ZNF543: variants seen among roughly 807,000 people sequenced by gnomAD.
The protein encoded by ZNF543 is zinc finger protein 543.
A neutral mutation model predicts 13.4 loss-of-function variants in ZNF543; 10 were observed. The observed-to-expected ratio is 0.75, with a 90% CI of 0.46 to 1.26. The LOEUF is 1.26. ZNF543 is among the 50% of genes most tolerant of loss of function. The pLI is 0.00. For missense variants in ZNF543, 768 were observed against 741.2 expected, an observed-to-expected ratio of 1.04 and a Z score of -0.42; for synonymous variants, 272 against 264.7, an observed-to-expected ratio of 1.03 and a Z score of -0.27.
chr19:57,327,669 C>G (rs747356349), intron 3 of ZNF543, 35 bp from the exon 4 acceptor site: 112 of 1,560,318 alleles, frequency 7.2e-5, no homozygotes, highest in Non-Finnish European at 9.3e-5. Flanking sequence ...AATGCCATCT[C>G]TAATAAGCCT....
rs1168587157 is a variant in ZNF543, at chr19:57,323,803, C to T, written c.140C>T (p.Ser47Phe). 1.2e-6 allele frequency: 2 copies of T among 1,612,384 alleles called. No individual in the cohort carries two copies. Among genetic ancestry groups the T allele is most frequent in the East Asian group, 2.2e-5 (1 of 44,758 alleles). Residue 47 changes from serine (S) to phenylalanine (F), a missense_variant, in exon 2 of 4, where the codon TCT becomes TTT. By Grantham distance (155) the Ser-to-Phe change is radical (BLOSUM62 -2). Transcript: ENST00000321545. ...VMLETCGLLM[S>F]LGCPLFKPEL... ...CTGGAGACCTGCGGACTTCTCATGT[C>T]TCTGGGTAAGGCCCCTTCTGGTCCT...
chr19:57,320,927 G>T, intron 1 of ZNF543, 56 bp downstream of exon 1: 1 of 1,611,202 alleles, frequency 6.2e-7, no homozygotes, highest in South Asian at 1.1e-5. Context: ...GAGGCCTCGT[G>T]GGCAGGCAGA....
intron 1 of ZNF543, among the ~76,000 whole-genome samples, chr19:57,322,747 G>A (rs1285829139): frequency 2.0e-5 from 3 of 152,086 alleles, no homozygotes; most frequent in Non-Finnish European, 4.4e-5. Context: ...AGGAGCTGTG[G>A]CCCTTTGCCC....
chr19:57,326,344 T>C (rs2088120546), intron 2 of ZNF543, among the ~76,000 whole-genome samples: 2 of 152,098 alleles, frequency 1.3e-5, no homozygotes, highest in Non-Finnish European at 2.9e-5. Flanking sequence ...TTTTGTATTT[T>C]TAGTAGAGAT....
intron 1 of ZNF543, among the ~76,000 whole-genome samples, chr19:57,321,845 C>T (rs1480628684): frequency 6.6e-6 from 1 of 152,080 alleles, no homozygotes; most frequent in Non-Finnish European, 1.5e-5. Context: ...AGCAGGTGGT[C>T]TTGGACATGA....
chr19:57,326,595 C>T (rs750326005), intron 2 of ZNF543, 38 bp from the exon 3 acceptor site: 4 of 1,537,656 alleles, frequency 2.6e-6, no homozygotes, highest in Admixed American at 1.7e-5. Context: ...TTTCTTCTAA[C>T]CTAACTCCCT....
rs2088147057 is a variant in ZNF543, at chr19:57,329,193, T to G, written c.1731T>G (p.Thr577=). 6.2e-7 allele frequency: 1 copy of G among 1,613,852 alleles called. No individual in the cohort carries two copies. The highest frequency in any genetic ancestry group is 8.5e-7 in the Non-Finnish European group (1 of 1,179,928). Residue 577 remains threonine, a synonymous_variant, in exon 4 of 4, where the codon ACT becomes ACG. Coordinates refer to ENST00000321545, the MANE Select transcript of ZNF543 (RefSeq NM_213598.4). Reference sequence around the variant, plus strand: ...GAAGACCTTTTATGACTGCACAGACTTCAGTCAACATCCAGGAACTTTTAT... The same window carrying G: ...GAAGACCTTTTATGACTGCACAGACGTCAGTCAACATCCAGGAACTTTTAT... ...DVGRPFMTAQ[T]SVNIQELLLG...
chr19:57,320,650 C>T lies in ZNF543; in HGVS notation c.-204C>T, dbSNP rs2088084021. ...CTTCCCTAACGGGGTGTTCCACCGG[C>T]GCCTGCCGAGGCCTAGGCCTCCGCA... On this transcript the variant is annotated 5_prime_UTR_variant, in exon 1 of 4. Transcript: ENST00000321545. 3.5e-6 allele frequency: 2 copies of T among 568,922 alleles called. No individual in the cohort carries two copies. The highest frequency in any genetic ancestry group is 6.1e-6 in the Non-Finnish European group (2 of 328,664). The allele number at this position is 568,922 out of a possible 1,614,324, so 35.2% of individuals were successfully genotyped here.
chr19:57,326,751 G>A (rs2088123302), intron 3 of ZNF543, 23 bp downstream of exon 3: 1 of 1,598,638 alleles, frequency 6.3e-7, no homozygotes, highest in African/African-American at 1.3e-5. Flanking sequence ...AGCTGGGAAG[G>A]TGGGGGTCAT....
chr19:57,328,175 A>G lies in ZNF543; in HGVS notation c.713A>G (p.Lys238Arg). 3.1e-6 allele frequency: 5 copies of G among 1,613,238 alleles called. No individual in the cohort carries two copies. Among genetic ancestry groups the G allele is most frequent in the Non-Finnish European group, 4.2e-6 (5 of 1,179,278 alleles). Residue 238 changes from lysine (K) to arginine (R), a missense_variant, in exon 4 of 4, where the codon AAG (lysine) becomes AGG (arginine). Lys to Arg is a conservative substitution (Grantham distance 26). Around this residue, in one of 3 missense-constraint regions of ZNF543, gnomAD observed 677 missense variants for 631.4 expected, o/e 1.07. Transcript: ENST00000321545. Reference protein sequence around the residue: ...ECTECGKTFSKSTHLLQHLII... With the variant: ...ECTECGKTFSRSTHLLQHLII... ...ACAGAGTGTGGGAAAACCTTTAGCA[A>G]GAGCACTCATCTTCTTCAGCACCTC... is the stretch of plus-strand genomic sequence containing the variant.
rs376898379 is a variant in ZNF543 at position 57,328,346 on chromosome 19, G to A, written c.884G>A (p.Arg295His). 84 of 1,613,874 alleles carry A rather than the reference G, an allele frequency of 5.2e-5. No individual in the cohort carries two copies. The African/African-American group carries it at 8.7e-4, about 17-fold the overall frequency. The change falls in exon 4 of 4, where the codon CGC becomes CAC. Residue 295 changes from arginine (R) to histidine (H), a missense_variant. Coordinates refer to ENST00000321545, the MANE Select transcript of ZNF543 (RefSeq NM_213598.4). ...CSECGKAFTHRSTFVLHHRSH... is the reference protein window; with the variant it reads ...CSECGKAFTHHSTFVLHHRSH... ...GAATGTGGAAAGGCCTTCACCCACCGCTCCACTTTTGTCTTGCATCACAGG... is the reference window on the plus strand; with the variant it reads ...GAATGTGGAAAGGCCTTCACCCACCACTCCACTTTTGTCTTGCATCACAGG...
At chr19:57,324,545 G>A (rs771957188) in intron 2 of ZNF543, among the ~76,000 whole-genome samples, 2 of 152,106 alleles carry the variant, frequency 1.3e-5, no homozygotes, top group African/African-American at 2.4e-5. Context: ...CTTGGACTCC[G>A]CAGTTTTTGG....
Position 57,329,408 on chromosome 19 carries a change from A to C in ZNF543, c.*143A>C. On this transcript the variant is annotated 3_prime_UTR_variant, in exon 4 of 4. Transcript: ENST00000321545. ...GAACCAGCCTGGAGTCTTATTCTCC[A>C]CCTGAGAATTCACCCATGAGAGAGA... 1 of 1,158,776 alleles carries C rather than the reference A, an allele frequency of 8.6e-7. No homozygotes were observed. The highest frequency in any genetic ancestry group is 1.6e-5 in the South Asian group (1 of 61,350). The allele number at this position is 1,158,776 out of a possible 1,614,324, so 71.8% of individuals were successfully genotyped here.
chr19:57,323,953 AC>A, intron 2 of ZNF543, 145 bp downstream of exon 2: 1 of 997,154 alleles, frequency 1.0e-6, no homozygotes, highest in Middle Eastern at 3.1e-4. Context: ...CACTTGGGAG[AC>A]CAGGGTCTGG....
intron 3 of ZNF543, 152 bp downstream of exon 3, chr19:57,326,880 C>A (rs1296486586): frequency 2.5e-6 from 1 of 392,410 alleles, no homozygotes; most frequent in East Asian, 3.8e-5. Flanking sequence ...CCCCCCCACC[C>A]GCCTTCAGAC....
Position 57,320,875 on chromosome 19 carries a change from A to G in ZNF543, c.18+4A>G. ...CAGGATGGCAGCCTCGGCGCAGGTG[A>G]GTGGACGAGGTTTTGGCCTTGCTGC... On this transcript the variant is annotated splice_donor_region_variant and intron_variant, in intron 1 of 3. Coordinates refer to ENST00000321545, the MANE Select transcript of ZNF543 (RefSeq NM_213598.4). 1 of 1,613,964 alleles carries G rather than the reference A, an allele frequency of 6.2e-7. No individual in the cohort carries two copies. Among genetic ancestry groups the G allele is most frequent in the Non-Finnish European group, 8.5e-7 (1 of 1,179,958 alleles).
Position 57,329,472 on chromosome 19 carries a change from C to A in ZNF543, c.*207C>A. 1.8e-6 allele frequency: 1 copy of A among 544,838 alleles called. No individual in the cohort carries two copies. The allele number at this position is 544,838 out of a possible 1,614,324, so 33.8% of individuals were successfully genotyped here. ...ATGCACTTAGGAAAACTTTCAGCCA[C>A]ATCTTTCTTCTTAGTTTACAGTGAA... On this transcript the variant is annotated 3_prime_UTR_variant, in exon 4 of 4. Transcript: ENST00000321545.
At chr19:57,322,455 C>G (rs967256349) in intron 1 of ZNF543, among the ~76,000 whole-genome samples, 1 of 149,112 alleles carries the variant, frequency 6.7e-6, no homozygotes, top group African/African-American at 2.5e-5. Context: ...TCAAGCCCAA[C>G]CTGGGCAAAA....
Position 57,330,715 on chromosome 19 carries a change from T to C in ZNF543, c.*1450T>C, listed in dbSNP as rs1422807113. Reference sequence around the variant, plus strand: ...TAGATTTTGAGCCATGTGATAGTTTTACCTCATATTAAATATATTGTACAG... The same window carrying C: ...TAGATTTTGAGCCATGTGATAGTTTCACCTCATATTAAATATATTGTACAG... On this transcript the variant is annotated 3_prime_UTR_variant, in exon 4 of 4. Coordinates refer to ENST00000321545, the MANE Select transcript of ZNF543 (RefSeq NM_213598.4). 5.3e-5 allele frequency: 8 copies of C among 152,198 alleles called. No individual in the cohort carries two copies. The highest frequency in any genetic ancestry group is 1.9e-4 in the African/African-American group (8 of 41,454). The allele number at this position is 152,198 out of a possible 1,614,324, so 9.4% of individuals were successfully genotyped here. A position where few individuals can be genotyped will look rare whatever the true frequency, so the allele number is the denominator to read the frequency against.
Sources: gnomAD v4.1 joint callset for allele counts (sites outside exome capture counted in the v4.1 genomes callset) on GRCh38, gnomAD v4.1.1 for gene constraint, gnomAD v4.1.1 regional missense constraint, MANE v1.5 for transcripts, NCBI Gene and HGNC (gene_info 2026-07-23, HGNC 2026-07-21) for gene names.